Variants in SULF2 observed in about 807,000 individuals in gnomAD.
SULF2 encodes extracellular sulfatase Sulf-2.
A neutral mutation model predicts 107.7 loss-of-function variants in SULF2; 52 were observed. That is an observed-to-expected ratio of 0.48 (90% confidence interval 0.39 to 0.61). The LOEUF (loss-of-function observed/expected upper bound fraction) is 0.61, where lower values mean the gene tolerates loss of function less well. SULF2 is among the 20% of genes least tolerant of loss of function. The pLI is 0.00. For synonymous variants in SULF2, 460 were observed against 464.3 expected, an observed-to-expected ratio of 0.99 and a Z score of 0.12; for missense variants, 993 against 1,177.3, an observed-to-expected ratio of 0.84 and a Z score of 2.29.
intron 1 of SULF2, among the ~76,000 whole-genome samples, chr20:47,762,556 C>T (rs375765776): frequency 1.3e-5 from 2 of 152,224 alleles, no homozygotes; most frequent in African/African-American, 4.8e-5. Flanking sequence ...TAGTCTGGCC[C>T]GATTTGGGCA....
intron 1 of SULF2, among the ~76,000 whole-genome samples, chr20:47,774,235 G>A (rs2090684846): frequency 6.6e-6 from 1 of 152,240 alleles, no homozygotes; most frequent in Admixed American, 6.5e-5. Context: ...CGGCAAGTGG[G>A]AGGAAAGCCC....
At chr20:47,757,542 C>T (rs1272892826) in intron 1 of SULF2, 79 bp from the exon 2 acceptor site, 13 of 709,758 alleles carry the variant, frequency 1.8e-5, no homozygotes, top group African/African-American at 5.3e-5. Context: ...ATTTGTATGG[C>T]GGCTGGCATG....
chr20:47,684,807 A>G, intron 5 of SULF2: 1 of 448,678 alleles, frequency 2.2e-6, no homozygotes, highest in Non-Finnish European at 3.9e-6. Context: ...AGCTCCTAAG[A>G]GGCACAGCAT....
intron 3 of SULF2, among the ~76,000 whole-genome samples, chr20:47,730,447 TTTG>T (rs959197956): frequency 2.0e-5 from 3 of 152,102 alleles, no homozygotes; most frequent in South Asian, 2.1e-4. Context: ...AGGTTGCCTT[TTTG>T]TTGTTGTTAC....
At chr20:47,751,060 G>A (rs531286665) in intron 2 of SULF2, among the ~76,000 whole-genome samples, 5 of 152,224 alleles carry the variant, frequency 3.3e-5, no homozygotes, top group East Asian at 3.9e-4. Flanking sequence ...CTATAGATTC[G>A]ATGTGTCTTG....
intron 4 of SULF2, among the ~76,000 whole-genome samples, chr20:47,692,842 A>G (rs905618952): frequency 1.3e-5 from 2 of 152,230 alleles, no homozygotes; most frequent in Admixed American, 1.3e-4. Context: ...TCCAAGATAC[A>G]TGGTTAAGGG....
At chr20:47,670,382 G>A (rs1432727459) in intron 11 of SULF2, among the ~76,000 whole-genome samples, 2 of 151,396 alleles carry the variant, frequency 1.3e-5, no homozygotes, top group South Asian at 4.2e-4. Flanking sequence ...TAGTAGACAC[G>A]GGTTTCACCT....
chr20:47,709,789 C>A (rs965486654), intron 3 of SULF2, among the ~76,000 whole-genome samples: 2 of 150,924 alleles, frequency 1.3e-5, no homozygotes, highest in East Asian at 1.9e-4. Context: ...TGGAAAAATG[C>A]GGAGGTGGGA....
chr20:47,731,185 CTCTTTTT>C (rs2089595396), intron 3 of SULF2, among the ~76,000 whole-genome samples: 1 of 93,336 alleles, frequency 1.1e-5, no homozygotes, highest in African/African-American at 5.8e-5. Context: ...CCTGTATCTT[CTCTTTTT>C]TTTTTTTTTT....
chr20:47,747,615 G>C (rs1188722421), intron 2 of SULF2, among the ~76,000 whole-genome samples: 1 of 152,040 alleles, frequency 6.6e-6, no homozygotes, highest in Admixed American at 6.6e-5. Context: ...TTATTCAATG[G>C]GGCAGGGCTT....
At chr20:47,711,172 C>T (rs972930730) in intron 3 of SULF2, among the ~76,000 whole-genome samples, 11 of 152,330 alleles carry the variant, frequency 7.2e-5, no homozygotes, top group Admixed American at 2.0e-4. Flanking sequence ...CCCGCCATGC[C>T]GGGCCGGCGT....
At chr20:47,675,621 G>A (rs556657725) in intron 10 of SULF2, among the ~76,000 whole-genome samples, 4 of 152,228 alleles carry the variant, frequency 2.6e-5, no homozygotes, top group Admixed American at 2.0e-4. Flanking sequence ...TCTCATAGGT[G>A]AAACAGGCAC....
chr20:47,659,341 T>G, intron 20 of SULF2, 58 bp downstream of exon 20: 1 of 1,499,588 alleles, frequency 6.7e-7, no homozygotes, highest in Non-Finnish European at 9.3e-7. Context: ...AGAATAGCAT[T>G]GGCAAAATGA....
rs367871609 is a variant in SULF2 at position 47,702,568 on chromosome 20, G to A, written c.518C>T (p.Thr173Met). ...LLKNSRFYNY[T>M]LCRNGVKEKH... ...CTCTTTCACCCCGTTCCGACACAGC[G>A]TGTAGTTATAAAAGCGGGAGTTTTT... The change falls in exon 4 of 21, where the codon ACG becomes ATG. Residue 173 changes from threonine to methionine, a missense_variant. By Grantham distance (81) the Thr-to-Met change is moderately conservative (BLOSUM62 -1). Transcript: ENST00000688720. The A allele has an allele frequency of 8.1e-6, 13 of 1,613,210 alleles. No homozygotes were observed. The highest frequency in any genetic ancestry group is 3.3e-5 in the Admixed American group (2 of 59,998).
intron 1 of SULF2, among the ~76,000 whole-genome samples, chr20:47,781,838 G>T (rs988892877): frequency 6.6e-6 from 1 of 151,970 alleles, no homozygotes; most frequent in Non-Finnish European, 1.5e-5. Context: ...TCCTAGCCAC[G>T]GTGCCCACAG....
chr20:47,731,435 C>T (rs539819108), intron 3 of SULF2, among the ~76,000 whole-genome samples: 20 of 151,906 alleles, frequency 1.3e-4, no homozygotes, highest in African/African-American at 3.9e-4. Flanking sequence ...TCAGGTGATC[C>T]GCCCATCCCT....
chr20:47,676,390 G>C, intron 10 of SULF2, 104 bp downstream of exon 10: 1 of 1,326,636 alleles, frequency 7.5e-7, no homozygotes, highest in South Asian at 1.4e-5. Flanking sequence ...ACTACCCGTT[G>C]GGAGGCCCTG....
At chr20:47,782,993 T>C (rs1378510907) in intron 1 of SULF2, among the ~76,000 whole-genome samples, 1 of 152,180 alleles carries the variant, frequency 6.6e-6, no homozygotes, top group Non-Finnish European at 1.5e-5. Context: ...CTTGAGGGCC[T>C]CTTGAATCCC....
rs2087086245 is a variant in SULF2, at chr20:47,661,869, T to C, written c.2398A>G (p.Arg800Gly). Reference protein sequence around the residue: ...QLMNAVNTLDRDVLNQLHVQL... With the variant: ...QLMNAVNTLDGDVLNQLHVQL... ...ACGTGTAGCTGGTTGAGGACATCCC[T>C]GTCCAGTGTGTTCACTGCATTCATC... Residue 800 changes from arginine (R) to glycine (G), a missense_variant, in exon 18 of 21, where the codon AGG (arginine) becomes GGG (glycine). This residue lies in a region of SULF2 where 497 missense variants were observed against 544.1 expected (regional missense o/e 0.91). Coordinates refer to ENST00000688720, the MANE Select transcript of SULF2 (RefSeq NM_001387048.1). 5 of 1,587,280 alleles carry C rather than the reference T, an allele frequency of 3.2e-6. No homozygotes were observed. Among genetic ancestry groups the C allele is most frequent in the Admixed American group, 1.7e-5 (1 of 58,342 alleles).
Sources: gnomAD v4.1 joint callset for allele counts (sites outside exome capture counted in the v4.1 genomes callset) on GRCh38, gnomAD v4.1.1 for gene constraint, gnomAD v4.1.1 regional missense constraint, MANE v1.5 for transcripts, NCBI Gene and HGNC (gene_info 2026-07-23, HGNC 2026-07-21) for gene names.